Variants in ZNF184 observed in about 807,000 individuals in gnomAD.
ZNF184 encodes the protein zinc finger protein 184, also known as zinc finger protein 184 (Kruppel-like).
In ZNF184, 16 loss-of-function variants were observed where a neutral mutation model predicts 54.4. That is an observed-to-expected ratio of 0.29 (90% confidence interval 0.20 to 0.45). The LOEUF (loss-of-function observed/expected upper bound fraction) is 0.45. Ranked by LOEUF, ZNF184 falls within the 20% of genes least tolerant of loss-of-function variation. ZNF184 has a pLI of 1.00. For synonymous variants in ZNF184, 254 were observed against 295.3 expected (o/e 0.86, Z 1.43); for missense variants, 681 against 888.2 (o/e 0.77, Z 2.97).
At chr6:27,457,106 G>A (rs1203259070) in intron 4 of ZNF184, among the ~76,000 whole-genome samples, 177 bp downstream of exon 4, 6 of 151,994 alleles carry the variant, frequency 3.9e-5, no homozygotes, top group South Asian at 4.2e-4. Context: ...GGAACTGATC[G>A]GGGTTCAGGA....
Position 27,451,956 on chromosome 6 carries a change from A to G in ZNF184, c.1603T>C (p.Cys535Arg). 6.2e-7 allele frequency: 1 copy of G among 1,613,388 alleles called. No individual in the cohort carries two copies. The highest frequency in any genetic ancestry group is 2.2e-5 in the East Asian group (1 of 44,874). The change falls in exon 6 of 6, where the codon TGT (cysteine) becomes CGT (arginine). Residue 535 changes from cysteine to arginine, a missense_variant. Physicochemically the swap from Cys to Arg is radical, Grantham distance 180 (BLOSUM62 -3). Transcript: ENST00000683788. ...TQEKAYECKE[C>R]GKAFIRSSSL... ...GAACTCCGAATAAAAGCTTTCCCACATTCTTTACATTCATAAGCTTTCTCT... is the reference window on the plus strand; with the variant it reads ...GAACTCCGAATAAAAGCTTTCCCACGTTCTTTACATTCATAAGCTTTCTCT...
the ZNF184 span, among the ~76,000 whole-genome samples, chr6:27,416,448 T>C: frequency 6.6e-6 from 1 of 152,230 alleles, no homozygotes; most frequent in Non-Finnish European, 1.5e-5. Flanking sequence ...TGGCTCATCA[T>C]GCTTCCTAGT....
chr6:27,423,082 C>A, the ZNF184 span, among the ~76,000 whole-genome samples: 3 of 152,250 alleles, frequency 2.0e-5, no homozygotes, highest in Non-Finnish European at 4.4e-5. Flanking sequence ...CTCCTCTTTG[C>A]GCTGCCTCTT....
downstream of ZNF184, among the ~76,000 whole-genome samples, chr6:27,449,119 T>C (rs1221438794): frequency 2.0e-5 from 3 of 152,230 alleles, no homozygotes; most frequent in African/African-American, 4.8e-5. Context: ...CTCACAGTCA[T>C]TTAGCAAAAA....
At chr6:27,429,094 G>C in the ZNF184 span, among the ~76,000 whole-genome samples, 1 of 152,204 alleles carries the variant, frequency 6.6e-6, no homozygotes, top group East Asian at 1.9e-4. Context: ...CAGAAGCTAA[G>C]TCATAAAAGG....
At chr6:27,424,088 G>A in the ZNF184 span, among the ~76,000 whole-genome samples, 4 of 152,178 alleles carry the variant, frequency 2.6e-5, no homozygotes, top group South Asian at 2.1e-4. Context: ...TCCTTTTGAT[G>A]TTTAGATGTG....
intron 5 of ZNF184, among the ~76,000 whole-genome samples, chr6:27,454,884 G>A (rs1226734392): frequency 6.6e-6 from 1 of 152,206 alleles, no homozygotes; most frequent in African/African-American, 2.4e-5. Context: ...AAGTAATCGA[G>A]GGTGTTGACA....
chr6:27,442,840 AAG>A, the ZNF184 span, among the ~76,000 whole-genome samples: 775 of 67,300 alleles, frequency 0.012, 71 homozygotes, highest in African/African-American at 0.026. Flanking sequence ...GAAAGAAAGA[AAG>A]AAAGAAAGAA....
chr6:27,424,387 C>A, the ZNF184 span, among the ~76,000 whole-genome samples: 3 of 152,290 alleles, frequency 2.0e-5, no homozygotes, highest in African/African-American at 7.2e-5. Context: ...CCACTGCTGG[C>A]CCCGCAGCCT....
the ZNF184 span, among the ~76,000 whole-genome samples, chr6:27,445,265 C>A: frequency 6.6e-6 from 1 of 152,068 alleles, no homozygotes; most frequent in Non-Finnish European, 1.5e-5. Context: ...TATTACAACA[C>A]CCACAAAAAT....
intron 3 of ZNF184, among the ~76,000 whole-genome samples, chr6:27,464,950 G>C (rs973208886): frequency 6.8e-6 from 1 of 147,060 alleles, no homozygotes; most frequent in African/African-American, 2.6e-5. Flanking sequence ...CCAGGAGGCG[G>C]AGCTTGCAGT....
chr6:27,427,123 A>AAAAAAC, the ZNF184 span, among the ~76,000 whole-genome samples: 1 of 151,198 alleles, frequency 6.6e-6, no homozygotes, highest in African/African-American at 2.4e-5. Flanking sequence ...ATGTAAAAAA[A>AAAAAAC]AAAAAAAAAA....
chr6:27,427,578 G>C, the ZNF184 span, among the ~76,000 whole-genome samples: 1 of 152,044 alleles, frequency 6.6e-6, no homozygotes, highest in African/African-American at 2.4e-5. Flanking sequence ...ATCTCTTTCT[G>C]CTGCAACTTA....
At chr6:27,423,809 T>C in the ZNF184 span, among the ~76,000 whole-genome samples, 1 of 152,196 alleles carries the variant, frequency 6.6e-6, no homozygotes, top group African/African-American at 2.4e-5. Flanking sequence ...TGTTCACATA[T>C]TCATTTTAAA....
Position 27,457,400 on chromosome 6 carries a change from T to A in ZNF184, c.85A>T (p.Thr29Ser), listed in dbSNP as rs2113718678. Residue 29 changes from threonine to serine, a missense_variant, in exon 4 of 6, where the codon ACT becomes TCT. Transcript: ENST00000683788. ...LSSASFQEAV[T>S]FKDVIVDFTQ... is the part of the protein sequence containing the mutation. ...AAGTCCACTATCACATCCTTGAAAGTCACCGCTTCCTGAAATACCAAACAT... is the reference window on the plus strand; with the variant it reads ...AAGTCCACTATCACATCCTTGAAAGACACCGCTTCCTGAAATACCAAACAT... 6.2e-7 allele frequency: 1 copy of A among 1,613,804 alleles called. No homozygotes were observed. Among genetic ancestry groups the A allele is most frequent in the East Asian group, 2.2e-5 (1 of 44,862 alleles).
At chr6:27,435,265 T>C in the ZNF184 span, among the ~76,000 whole-genome samples, 8 of 152,228 alleles carry the variant, frequency 5.3e-5, no homozygotes, top group African/African-American at 1.9e-4. Context: ...TTAGCAATAT[T>C]AAGTCTTCCA....
the ZNF184 span, chr6:27,405,178 T>G: frequency 3.2e-4 from 49 of 152,364 alleles, no homozygotes; most frequent in African/African-American, 1.2e-3. Flanking sequence ...AGTGTACTTC[T>G]ACTTATTTAA....
rs1351290025 is a variant in ZNF184, at chr6:27,456,899, A to G, written c.225T>C (p.Asp75=). 6.2e-7 allele frequency: 1 copy of G among 1,614,024 alleles called. No homozygotes were observed. Among genetic ancestry groups the G allele is most frequent in the African/African-American group, 1.3e-5 (1 of 74,914 alleles). ...TCCCTTGCTCTAACTGGGAAATCACATCAGGTTTAGAAACTTGGAGTCCTG... is the reference window on the plus strand; with the variant it reads ...TCCCTTGCTCTAACTGGGAAATCACGTCAGGTTTAGAAACTTGGAGTCCTG... ...VSIGLQVSKP[D]VISQLEQGTE... Residue 75 remains aspartate, a synonymous_variant, in exon 5 of 6, where the codon GAT becomes GAC. Transcript: ENST00000683788.
In ZNF184 at chr6:27,451,869, C is replaced by T. The variant is rs759566772; in HGVS notation, c.1690G>A (p.Gly564Arg). 6.2e-7 allele frequency: 1 copy of T among 1,612,484 alleles called. No individual in the cohort carries two copies. The highest frequency in any genetic ancestry group is 1.1e-5 in the South Asian group (1 of 91,070). ...GATGAACCATAACTGAAGGTTTTCC[C>T]ACATTCATGACACTGATAGGGTTTC... Reference protein sequence around the residue: ...GEKPYQCHECGKTFSYGSSLI... With the variant: ...GEKPYQCHECRKTFSYGSSLI... Residue 564 changes from glycine to arginine, a missense_variant, in exon 6 of 6, where the codon GGG becomes AGG. Gly to Arg is a moderately radical substitution (Grantham distance 125). Transcript: ENST00000683788.
Sources: allele counts gnomAD v4.1 joint callset (sites outside exome capture counted in the v4.1 genomes callset), GRCh38; gene constraint gnomAD v4.1.1; transcripts MANE v1.5; gene names NCBI Gene and HGNC (gene_info 2026-07-23, HGNC 2026-07-21).